TBCK: variants seen among roughly 807,000 people sequenced by gnomAD.
The protein encoded by TBCK is TBC domain-containing protein kinase-like protein.
TBCK carries 99 observed loss-of-function variants against 113.4 expected under a neutral mutation model. That is an observed-to-expected ratio of 0.87 (90% CI 0.74 to 1.03). The LOEUF (loss-of-function observed/expected upper bound fraction) is 1.03. Ranked by LOEUF, TBCK falls within the 50% of genes least tolerant of loss-of-function variation. The pLI is 0.00. For synonymous variants in TBCK, 369 were observed against 370.8 expected (o/e 1.00, Z 0.05); for missense variants, 1,045 against 1,061.3 (o/e 0.98, Z 0.21).
Position 106,244,619 on chromosome 4 carries a change from T to C in TBCK, c.1070+7A>G. On this transcript the variant is annotated splice_region_variant and intron_variant, in intron 11 of 25. Transcript: ENST00000394708. ...TTTAAATTCCCAAGAGAAGTTTCTT[T>C]CCTTACTTGGGGAGTGTGCAGATAG... 6.4e-7 allele frequency: 1 copy of C among 1,556,602 alleles called. No individual in the cohort carries two copies. The highest frequency in any genetic ancestry group is 8.6e-7 in the Non-Finnish European group (1 of 1,158,890).
chr4:106,177,173 C>T (rs907622037), intron 22 of TBCK, among the ~76,000 whole-genome samples: 3 of 151,828 alleles, frequency 2.0e-5, no homozygotes, highest in Non-Finnish European at 4.4e-5. Flanking sequence ...TTCAGATCAT[C>T]TACCCGTTTT....
rs139202264 is a variant in TBCK, at chr4:106,104,649, C to T, written c.2412-9008G>A. On this transcript the variant is annotated intron_variant, in intron 24 of 25. Coordinates refer to ENST00000394708, the MANE Select transcript of TBCK (RefSeq NM_001163435.3). ...GCTCTACCAAAATGTGGCCAGAATA[C>T]AAACTGCTTTTTTAAGCGGGTTCTG... Among the ~76,000 whole-genome samples, 302 of 152,292 alleles carry T rather than the reference C, an allele frequency of 2.0e-3. 1 individual carries two copies. The highest frequency in any genetic ancestry group is 6.8e-3 in the African/African-American group (284 of 41,550).
chr4:106,054,529 A>G (rs1228935654), intron 25 of TBCK, among the ~76,000 whole-genome samples: 2 of 151,716 alleles, frequency 1.3e-5, no homozygotes, highest in Non-Finnish European at 2.9e-5. Flanking sequence ...CACTTTATAT[A>G]TATATCTAAA....
intron 9 of TBCK, 52 bp from the exon 10 acceptor site, chr4:106,247,339 T>C: frequency 6.4e-7 from 1 of 1,559,224 alleles, no homozygotes; most frequent in South Asian, 1.1e-5. Flanking sequence ...AAAAATTTCC[T>C]AGAATAATGG....
intron 2 of TBCK, among the ~76,000 whole-genome samples, chr4:106,301,128 A>G (rs1339663318): frequency 6.6e-6 from 1 of 151,766 alleles, no homozygotes; most frequent in Admixed American, 6.6e-5. Flanking sequence ...ATTCCCAGCA[A>G]TTCTTTTTTA....
rs768302460 is a variant in TBCK at position 106,171,201 on chromosome 4, T to G, written c.2129A>C (p.Tyr710Ser). The G allele has an allele frequency of 6.2e-7, 1 of 1,612,840 alleles. No individual in the cohort carries two copies. The highest frequency in any genetic ancestry group is 1.7e-5 in the Admixed American group (1 of 59,838). ...CTTTGGAGGTTGAGCATGCTGTCTG[T>G]AAGTAGCACTTTTAGGAGTCCAACA... ...LFCWTPKSAT[Y>S]RQHAQPPKPS... Residue 710 changes from tyrosine (Y) to serine (S), a missense_variant, in exon 23 of 26, where the codon TAC (tyrosine) becomes TCC (serine). Physicochemically the swap from Tyr to Ser is moderately radical, Grantham distance 144. Transcript: ENST00000394708.
Position 106,197,441 on chromosome 4 carries a change from G to GTAGGGCAGA in TBCK, c.1861-2696_1861-2688dup, listed in dbSNP as rs1182931584. On this transcript the variant is annotated intron_variant, in intron 20 of 25. Transcript: ENST00000394708. ...TATATATATATATATATAATACAAA[G>GTAGGGCAGA]TAGGGCAGAAACCACTTCAAATGAT... 5.7e-5 allele frequency among the ~76,000 whole-genome samples: 7 copies of GTAGGGCAGA among 122,856 alleles called. 1 individual carries two copies. The Admixed American group carries it at 5.8e-4, about 10-fold the overall frequency. The allele number at this position is 122,856 out of a possible 152,430, so 80.6% of individuals were successfully genotyped here.
chr4:106,123,782 A>G (rs1744773407), intron 23 of TBCK, among the ~76,000 whole-genome samples: 1 of 150,550 alleles, frequency 6.6e-6, no homozygotes, highest in Non-Finnish European at 1.5e-5. Context: ...TGGTGCTGGG[A>G]AAACTGGCTA....
chr4:106,166,490 T>C (rs1001323533), intron 23 of TBCK, among the ~76,000 whole-genome samples: 2 of 151,706 alleles, frequency 1.3e-5, no homozygotes, highest in Non-Finnish European at 3.0e-5. Flanking sequence ...TATTTTAGAT[T>C]TAGGAGTACA....
At chr4:106,245,953 C>T (rs1017381076) in intron 10 of TBCK, among the ~76,000 whole-genome samples, 1 of 152,104 alleles carries the variant, frequency 6.6e-6, no homozygotes, top group Non-Finnish European at 1.5e-5. Flanking sequence ...AAAAAAACAT[C>T]TGGAATTTTC....
At chr4:106,144,762 G>A (rs1017150228) in intron 23 of TBCK, among the ~76,000 whole-genome samples, 2 of 151,978 alleles carry the variant, frequency 1.3e-5, no homozygotes, top group Non-Finnish European at 2.9e-5. Context: ...GGTGGCTCAC[G>A]CCTGTAATCC....
At chr4:106,316,555 C>T (rs757042305), upstream of TBCK, 25 of 1,551,514 alleles carry the variant, frequency 1.6e-5, no homozygotes, top group Non-Finnish European at 2.1e-5. Flanking sequence ...TACATGCTTC[C>T]TGCTGTGGCT....
intron 25 of TBCK, among the ~76,000 whole-genome samples, chr4:106,057,321 A>C (rs1055153425): frequency 6.6e-6 from 1 of 151,780 alleles, no homozygotes. Context: ...AAATTTGTTT[A>C]ATTGGGATCA....
At chr4:106,074,473 T>C (rs549716113) in intron 25 of TBCK, among the ~76,000 whole-genome samples, 1 of 152,230 alleles carries the variant, frequency 6.6e-6, no homozygotes, top group Admixed American at 6.5e-5. Flanking sequence ...ATGCCTAATC[T>C]AAAATCTTCA....
Position 106,308,633 on chromosome 4 carries a change from G to A in TBCK, c.193+135C>T, listed in dbSNP as rs555182348. On this transcript the variant is annotated intron_variant, in intron 2 of 25. Coordinates refer to ENST00000394708, the MANE Select transcript of TBCK (RefSeq NM_001163435.3). ...GTGTACGAGAGAGAGGCAGGGTGGGGGAAAAGGATGAGAGAAAGAAGGACA... is the reference window on the plus strand; with the variant it reads ...GTGTACGAGAGAGAGGCAGGGTGGGAGAAAAGGATGAGAGAAAGAAGGACA... The A allele has an allele frequency of 6.5e-5, 51 of 789,848 alleles. No homozygotes were observed. In the African/African-American group the frequency reaches 7.2e-4, roughly 11 times the overall value. The allele number at this position is 789,848 out of a possible 1,614,324, so 48.9% of individuals were successfully genotyped here.
intron 22 of TBCK, among the ~76,000 whole-genome samples, chr4:106,183,468 C>G (rs946029993): frequency 9.9e-5 from 15 of 152,030 alleles, no homozygotes; most frequent in African/African-American, 3.6e-4. Context: ...CCTCACATAT[C>G]TGTGTTATCC....
chr4:106,312,138 G>A (rs1271588940), intron 1 of TBCK, among the ~76,000 whole-genome samples: 3 of 151,924 alleles, frequency 2.0e-5, no homozygotes. Context: ...AAAAATTCGA[G>A]TTAAAGGGAA....
intron 23 of TBCK, among the ~76,000 whole-genome samples, chr4:106,156,238 C>G (rs1749107013): frequency 6.6e-6 from 1 of 152,264 alleles, no homozygotes; most frequent in African/African-American, 2.4e-5. Flanking sequence ...CTCTTTCTCT[C>G]TATTCTGAGC....
chr4:106,287,202 C>T (rs2125812916), intron 3 of TBCK, among the ~76,000 whole-genome samples: 1 of 152,222 alleles, frequency 6.6e-6, no homozygotes, highest in South Asian at 2.1e-4. Flanking sequence ...CATAAAGACC[C>T]TATTTCACCT....
Sources: gnomAD v4.1 joint callset for allele counts (sites outside exome capture counted in the v4.1 genomes callset) on GRCh38, gnomAD v4.1.1 for gene constraint, MANE v1.5 for transcripts, NCBI Gene and HGNC (gene_info 2026-07-23, HGNC 2026-07-21) for gene names.